Variants in SNX29 observed in about 807,000 individuals in gnomAD.
SNX29 encodes sorting nexin-29.
SNX29 carries 78 observed loss-of-function variants against 102.1 expected under a neutral mutation model. The observed-to-expected ratio is 0.76, with a 90% CI of 0.64 to 0.92. The LOEUF is 0.92. Ranked by LOEUF, SNX29 falls within the 40% of genes least tolerant of loss-of-function variation. The pLI, the probability that SNX29 is intolerant of heterozygous loss-of-function variation, is 0.00. For missense variants in SNX29, 1,280 were observed against 1,061.7 expected (o/e 1.21, Z -2.86); for synonymous variants, 580 against 414.5 (o/e 1.40, Z -4.85).
Position 12,570,561 on chromosome 16 carries a change from T to TCTCAGGAGTGC in SNX29, c.*1936_*1946dup, listed in dbSNP as rs2079166077. 8.6e-6 allele frequency: 2 copies of TCTCAGGAGTGC among 232,232 alleles called. No homozygotes were observed. The highest frequency in any genetic ancestry group is 1.7e-5 in the Non-Finnish European group (2 of 117,512). 14.4% of individuals were successfully genotyped at this position (232,232 alleles called of 1,614,324 possible). Reference sequence around the variant, plus strand: ...GTGTTTGATGCCAGCTCAGAGACTGTCTCAGGAGTGCCTCCCTGGCCTGGG... The same window carrying TCTCAGGAGTGC: ...GTGTTTGATGCCAGCTCAGAGACTGTCTCAGGAGTGCCTCAGGAGTGCCTCCCTGGCCTGGG... On this transcript the variant is annotated 3_prime_UTR_variant, in exon 21 of 21. Transcript: ENST00000566228.
intron 8 of SNX29, 64 bp from the exon 9 acceptor site, chr16:12,061,464 G>A (rs1476479735): frequency 2.2e-6 from 3 of 1,360,862 alleles, no homozygotes; most frequent in Non-Finnish European, 1.0e-6. Flanking sequence ...GTGGATGCTT[G>A]TTGGTGAGTC....
rs1434076307 is a variant in SNX29 at position 12,013,501 on chromosome 16, ATATATATATATATATAT to A, written c.122+10459_122+10475del. Among the ~76,000 whole-genome samples, 236 of 40,896 alleles carry A rather than the reference ATATATATATATATATAT, an allele frequency of 5.8e-3. 36 individuals are homozygous for A. Among genetic ancestry groups the A allele is most frequent in the African/African-American group, 0.018 (194 of 11,040 alleles). 26.8% of individuals were successfully genotyped at this position (40,896 alleles called of 152,430 possible). A position where few individuals can be genotyped will look rare whatever the true frequency, so the allele number is the denominator to read the frequency against. On this transcript the variant is annotated intron_variant, in intron 3 of 20. Coordinates refer to ENST00000566228, the MANE Select transcript of SNX29 (RefSeq NM_032167.5). Reference sequence around the variant, plus strand: ...TCTCTACTGGGGGAAAAAAAAAAAAATATATATATATATATATATATATATATATATATATATATATC... The same window carrying A: ...TCTCTACTGGGGGAAAAAAAAAAAAAATATATATATATATATATATATATC...
At chr16:12,535,410 A>C (rs2077047334) in intron 20 of SNX29, among the ~76,000 whole-genome samples, 1 of 152,230 alleles carries the variant, frequency 6.6e-6, no homozygotes, top group African/African-American at 2.4e-5. Context: ...TGCTGGGATT[A>C]CATGAGCCAC....
chr16:12,484,072 T>A (rs955362714), intron 19 of SNX29, among the ~76,000 whole-genome samples: 1 of 152,234 alleles, frequency 6.6e-6, no homozygotes, highest in African/African-American at 2.4e-5. Context: ...TACATGCCTG[T>A]CCCATGGACT....
At chr16:12,406,490 T>C (rs2084171455) in intron 18 of SNX29, among the ~76,000 whole-genome samples, 1 of 152,188 alleles carries the variant, frequency 6.6e-6, no homozygotes, top group Non-Finnish European at 1.5e-5. Flanking sequence ...AAAGTGAACA[T>C]AAATTCGACT....
chr16:12,145,059 A>G (rs1040284629), intron 13 of SNX29, among the ~76,000 whole-genome samples: 2 of 152,178 alleles, frequency 1.3e-5, no homozygotes, highest in Non-Finnish European at 2.9e-5. Context: ...TGAGCTTTCA[A>G]CGTGCGCCCA....
At chr16:12,430,499 C>T (rs1208987303) in intron 18 of SNX29, among the ~76,000 whole-genome samples, 2 of 152,160 alleles carry the variant, frequency 1.3e-5, no homozygotes, top group Admixed American at 1.3e-4. Context: ...GCTCTGCCCT[C>T]AGAGATCTAT....
At chr16:11,976,933 C>T in intron 1 of SNX29, 120 bp downstream of exon 1, 1 of 1,226,110 alleles carries the variant, frequency 8.2e-7, no homozygotes, top group Non-Finnish European at 1.0e-6. Context: ...CTCCCAGTCG[C>T]TCCCTTTTCC....
intron 14 of SNX29, among the ~76,000 whole-genome samples, chr16:12,239,308 C>T (rs1394491875): frequency 6.6e-6 from 1 of 152,104 alleles, no homozygotes; most frequent in African/African-American, 2.4e-5. Flanking sequence ...TAGTGACCAG[C>T]TGGAGCCCAC....
chr16:12,548,489 G>C (rs915251304), intron 20 of SNX29, among the ~76,000 whole-genome samples: 11 of 152,228 alleles, frequency 7.2e-5, no homozygotes, highest in African/African-American at 1.2e-4. Context: ...AGGATGACTA[G>C]TCAGGGTTGT....
chr16:12,188,025 T>C (rs1178085472), intron 13 of SNX29, among the ~76,000 whole-genome samples: 1 of 152,206 alleles, frequency 6.6e-6, no homozygotes, highest in Non-Finnish European at 1.5e-5. Context: ...CCTTGAAATA[T>C]GTCCAGGTGA....
At chr16:12,565,304 A>G (rs1369460525) in intron 20 of SNX29, among the ~76,000 whole-genome samples, 1 of 152,120 alleles carries the variant, frequency 6.6e-6, no homozygotes, top group Admixed American at 6.6e-5. Context: ...AGCACTCTCC[A>G]TTCAAGTCCA....
chr16:12,143,521 C>A (rs886838684), intron 13 of SNX29, among the ~76,000 whole-genome samples: 1 of 152,146 alleles, frequency 6.6e-6, no homozygotes. Flanking sequence ...GATGTGGGAT[C>A]TGAGATGGCC....
At chr16:12,224,761 C>T (rs2077567445) in intron 14 of SNX29, among the ~76,000 whole-genome samples, 1 of 152,062 alleles carries the variant, frequency 6.6e-6, no homozygotes, top group African/African-American at 2.4e-5. Context: ...CCAGATAGTC[C>T]ACCAAGACAA....
intron 15 of SNX29, among the ~76,000 whole-genome samples, chr16:12,342,584 C>G (rs2081641096): frequency 6.6e-6 from 1 of 152,184 alleles, no homozygotes; most frequent in Non-Finnish European, 1.5e-5. Context: ...TCAATCAAAG[C>G]TGTAAGAATC....
intron 13 of SNX29, among the ~76,000 whole-genome samples, chr16:12,179,076 A>T (rs1044250421): frequency 5.9e-5 from 9 of 152,250 alleles, no homozygotes. Context: ...GAGGTATTTT[A>T]AAATTGTGTT....
chr16:12,400,167 C>A (rs1186000432), intron 17 of SNX29, among the ~76,000 whole-genome samples: 1 of 152,122 alleles, frequency 6.6e-6, no homozygotes, highest in Non-Finnish European at 1.5e-5. Context: ...GCACCATTCC[C>A]CTCTCAGCAT....
At chr16:12,035,942 GAC>G (rs1158500227) in intron 4 of SNX29, among the ~76,000 whole-genome samples, 6 of 152,282 alleles carry the variant, frequency 3.9e-5, no homozygotes, top group Non-Finnish European at 5.9e-5. Flanking sequence ...CCAGAGTTAG[GAC>G]AGTCCTCTGG....
chr16:12,108,397 T>G (rs1252507081), intron 11 of SNX29, among the ~76,000 whole-genome samples: 1 of 152,180 alleles, frequency 6.6e-6, no homozygotes, highest in African/African-American at 2.4e-5. Context: ...TGGGCTGGAC[T>G]TGACCATGGG....
Sources: gnomAD v4.1 joint callset for allele counts (sites outside exome capture counted in the v4.1 genomes callset) on GRCh38, gnomAD v4.1.1 for gene constraint, MANE v1.5 for transcripts, NCBI Gene and HGNC (gene_info 2026-07-23, HGNC 2026-07-21) for gene names.